The following PTPRC variants were observed in gnomAD, a reference collection of about 807,000 sequenced individuals.
PTPRC encodes the protein receptor-type tyrosine-protein phosphatase C.
Under a neutral mutation model 155.9 loss-of-function variants are expected in PTPRC, and 44 were observed. The ratio of observed to expected loss-of-function variants is 0.28; its 90% CI spans 0.22 to 0.36. PTPRC has a LOEUF of 0.36. Among genes scored for constraint, PTPRC ranks in the 10% least tolerant of loss-of-function variants. PTPRC has a pLI of 1.00. For synonymous variants in PTPRC, 525 were observed against 533.1 expected (o/e 0.98, Z 0.21); for missense variants, 1,401 against 1,564.6 (o/e 0.90, Z 1.76).
chr1:198,735,171 G>C lies in PTPRC; in HGVS notation c.2322G>C (p.Arg774=). The C allele has an allele frequency of 6.2e-7, 1 of 1,604,082 alleles. No homozygotes were observed. Among genetic ancestry groups the C allele is most frequent in the Non-Finnish European group, 8.5e-7 (1 of 1,173,904 alleles). The change falls in exon 23 of 33, where the codon CGG becomes CGC. Residue 774 remains arginine (R), a synonymous_variant. Transcript: ENST00000442510. Reference sequence around the variant, plus strand: ...GGCCGTCAATGGAAGAGGGCACTCGGGCTTTTGGAGATGTTGTTGTAAAGA... The same window carrying C: ...GGCCGTCAATGGAAGAGGGCACTCGCGCTTTTGGAGATGTTGTTGTAAAGA... ...EYWPSMEEGT[R]AFGDVVVKIN...
intron 7 of PTPRC, 160 bp downstream of exon 7, chr1:198,703,532 C>A: frequency 1.8e-6 from 2 of 1,093,364 alleles, no homozygotes; most frequent in Non-Finnish European, 2.7e-6. Flanking sequence ...TATTTCTCTG[C>A]TTAGCAGTGC....
intron 29 of PTPRC, among the ~76,000 whole-genome samples, chr1:198,751,946 A>G (rs1655402715): frequency 6.6e-6 from 1 of 152,020 alleles, no homozygotes; most frequent in South Asian, 2.1e-4. Context: ...AGCATGTGGA[A>G]AAGAGGAGCA....
chr1:198,696,758 C>G lies in PTPRC; in HGVS notation c.147C>G (p.Pro49=). ...KMPSVPLSSD[P]LPTHTTAFSP... is the part of the protein sequence containing the mutation. ...CCAGTGTTCCACTTTCAAGTGACCC[C>G]TTACCTACTCACACCACTGCATTCT... The change falls in exon 4 of 33, where the codon CCC becomes CCG. Residue 49 remains proline (P), a synonymous_variant. Coordinates refer to ENST00000442510, the MANE Select transcript of PTPRC (RefSeq NM_002838.5). The G allele has an allele frequency of 6.2e-7, 1 of 1,614,102 alleles. No individual in the cohort carries two copies. Among genetic ancestry groups the G allele is most frequent in the Non-Finnish European group, 8.5e-7 (1 of 1,180,010 alleles).
chr1:198,706,509 A>G (rs1054344993), intron 8 of PTPRC, among the ~76,000 whole-genome samples: 3 of 152,204 alleles, frequency 2.0e-5, no homozygotes, highest in Non-Finnish European at 4.4e-5. Flanking sequence ...GAAGACAGAC[A>G]CTTATCTGGT....
At chr1:198,704,405 C>A in intron 7 of PTPRC, 67 bp from the exon 8 acceptor site, 1 of 1,608,708 alleles carries the variant, frequency 6.2e-7, no homozygotes, top group Non-Finnish European at 8.5e-7. Flanking sequence ...TCAGCTTTCC[C>A]AAAAATGACA....
At chr1:198,716,613 A>T in intron 12 of PTPRC, 69 bp from the exon 13 acceptor site, 1 of 1,387,096 alleles carries the variant, frequency 7.2e-7, no homozygotes, top group Non-Finnish European at 1.0e-6. Flanking sequence ...TGTAGAGACC[A>T]AATTAATTAG....
At position 198,639,065 on chromosome 1, in the gene PTPRC, A is replaced by C; in HGVS notation, c.-116A>C. ...GACATCATCACCTAGCAGTTCATGC[A>C]GCTAGCAAGTGGTTTGTTCTTAGGG... On this transcript the variant is annotated 5_prime_UTR_variant, in exon 1 of 33. Coordinates refer to ENST00000442510, the MANE Select transcript of PTPRC (RefSeq NM_002838.5). 3.1e-5 allele frequency: 17 copies of C among 557,298 alleles called. No individual in the cohort carries two copies. The highest frequency in any genetic ancestry group is 1.2e-4 in the East Asian group (4 of 32,688). The allele number at this position is 557,298 out of a possible 1,614,324, so 34.5% of individuals were successfully genotyped here. A position where few individuals can be genotyped will look rare whatever the true frequency, so the allele number is the denominator to read the frequency against.
At chr1:198,670,330 T>C (rs980126663) in intron 2 of PTPRC, among the ~76,000 whole-genome samples, 2 of 152,200 alleles carry the variant, frequency 1.3e-5, no homozygotes, top group Admixed American at 6.5e-5. Context: ...GTATGAAAAC[T>C]ATATTCAACA....
At chr1:198,676,552 G>A (rs1664964746) in intron 2 of PTPRC, among the ~76,000 whole-genome samples, 1 of 152,124 alleles carries the variant, frequency 6.6e-6, no homozygotes, top group Admixed American at 6.5e-5. Context: ...CAGAACCCAG[G>A]GGAGGGGGAG....
chr1:198,731,540 G>A (rs761205213), intron 17 of PTPRC, 77 bp from the exon 18 acceptor site: 33 of 1,035,864 alleles, frequency 3.2e-5, no homozygotes, highest in Non-Finnish European at 4.5e-5. Context: ...TTGAGTACAC[G>A]GTGTAAATTT....
Position 198,668,370 on chromosome 1 carries a change from G to A in PTPRC, c.74-23977G>A, listed in dbSNP as rs944178482. Reference sequence around the variant, plus strand: ...ATAAACATAAGCACAGAGTAACATGGTAGCAAAAAATAATGTCACCCAAAT... The same window carrying A: ...ATAAACATAAGCACAGAGTAACATGATAGCAAAAAATAATGTCACCCAAAT... On this transcript the variant is annotated intron_variant, in intron 2 of 32. Transcript: ENST00000442510. Among the ~76,000 whole-genome samples, 4 of 152,052 alleles carry A rather than the reference G, an allele frequency of 2.6e-5. 1 individual carries two copies. The highest frequency in any genetic ancestry group is 2.0e-4 in the Admixed American group (3 of 15,260).
chr1:198,676,653 G>A (rs976383245), intron 2 of PTPRC, among the ~76,000 whole-genome samples: 2 of 152,112 alleles, frequency 1.3e-5, no homozygotes, highest in Non-Finnish European at 2.9e-5. Context: ...TTTATTTTGA[G>A]TTGGTATCTT....
chr1:198,689,456 G>A (rs909650848), intron 2 of PTPRC, among the ~76,000 whole-genome samples: 1 of 152,128 alleles, frequency 6.6e-6, no homozygotes, highest in Admixed American at 6.6e-5. Context: ...TGACAACAAA[G>A]TAGTAAATCA....
intron 2 of PTPRC, among the ~76,000 whole-genome samples, chr1:198,641,887 T>C (rs1662605302): frequency 6.6e-6 from 1 of 152,046 alleles, no homozygotes; most frequent in South Asian, 2.1e-4. Context: ...AATATATATC[T>C]CATGTTATAA....
At chr1:198,679,175 C>G in intron 2 of PTPRC, 1 of 211,686 alleles carries the variant, frequency 4.7e-6, no homozygotes, top group Non-Finnish European at 1.0e-5. Flanking sequence ...GGCACATAGT[C>G]GTCCCACTCA....
intron 2 of PTPRC, among the ~76,000 whole-genome samples, chr1:198,640,646 T>C (rs1246944003): frequency 2.0e-5 from 3 of 152,010 alleles, no homozygotes; most frequent in Non-Finnish European, 4.4e-5. Flanking sequence ...ATAATCTCAA[T>C]GAAGTGATAT....
chr1:198,683,241 G>A (rs559151096), intron 2 of PTPRC, among the ~76,000 whole-genome samples: 10 of 152,178 alleles, frequency 6.6e-5, no homozygotes, highest in Admixed American at 3.3e-4. Flanking sequence ...CATAGTACCC[G>A]CTTATTAAAT....
At chr1:198,724,679 T>C (rs1230591420) in intron 15 of PTPRC, among the ~76,000 whole-genome samples, 1 of 91,222 alleles carries the variant, frequency 1.1e-5, no homozygotes, top group Non-Finnish European at 2.0e-5. Flanking sequence ...ATCCTGATTC[T>C]CTCTCTCTCT....
At chr1:198,648,650 CTT>C (rs953036833) in intron 2 of PTPRC, among the ~76,000 whole-genome samples, 3 of 151,786 alleles carry the variant, frequency 2.0e-5, no homozygotes, top group African/African-American at 7.3e-5. Flanking sequence ...GCTTCTATAT[CTT>C]TAGCATATTC....
Sources: gnomAD v4.1 joint callset for allele counts (sites outside exome capture counted in the v4.1 genomes callset) on GRCh38, gnomAD v4.1.1 for gene constraint, MANE v1.5 for transcripts, NCBI Gene and HGNC (gene_info 2026-07-23, HGNC 2026-07-21) for gene names.